Variants in CWC27 observed in about 807,000 individuals in gnomAD.
CWC27 encodes CWC27 spliceosome associated cyclophilin.
CWC27 carries 47 observed loss-of-function variants against 63.6 expected under a neutral mutation model. The observed-to-expected ratio is 0.74, with a 90% CI of 0.58 to 0.94. The LOEUF (loss-of-function observed/expected upper bound fraction) is 0.94. Among genes scored for constraint, CWC27 ranks in the 40% least tolerant of loss-of-function variants. The probability of loss-of-function intolerance (pLI) is 0.00; values close to 1 mark genes in which losing one functional copy is unlikely to be tolerated. For missense variants in CWC27, 495 were observed against 554.3 expected (o/e 0.89, Z 1.07); for synonymous variants, 175 against 179.8 (o/e 0.97, Z 0.22).
intron 11 of CWC27, among the ~76,000 whole-genome samples, chr5:64,901,751 A>G (rs1471727526): frequency 6.6e-6 from 1 of 152,220 alleles, no homozygotes; most frequent in East Asian, 1.9e-4. Flanking sequence ...AATCACACGT[A>G]GCTTAAAACA....
chr5:64,809,640 T>C (rs1744807993), intron 10 of CWC27, among the ~76,000 whole-genome samples: 1 of 152,254 alleles, frequency 6.6e-6, no homozygotes, highest in Admixed American at 6.5e-5. Flanking sequence ...GTGCTGGGAT[T>C]ATAGGCGTGA....
intron 11 of CWC27, among the ~76,000 whole-genome samples, chr5:64,937,583 G>A (rs1285471360): frequency 1.3e-5 from 2 of 152,198 alleles, no homozygotes; most frequent in African/African-American, 4.8e-5. Flanking sequence ...ATTTGGGGTG[G>A]AGGATTCTGT....
intron 13 of CWC27, among the ~76,000 whole-genome samples, chr5:65,007,011 AAAGAAAG>A (rs1374185599): frequency 7.1e-6 from 1 of 141,300 alleles, no homozygotes; most frequent in Admixed American, 7.0e-5. Flanking sequence ...AGAAAGAAAG[AAAGAAAG>A]AAAGAAAAGA....
chr5:64,847,288 A>T (rs1381482113), intron 10 of CWC27, among the ~76,000 whole-genome samples: 1 of 152,196 alleles, frequency 6.6e-6, no homozygotes, highest in Non-Finnish European at 1.5e-5. Flanking sequence ...ATAAAATGAG[A>T]CAAAGGACAT....
intron 11 of CWC27, among the ~76,000 whole-genome samples, chr5:64,940,842 CTTTTTTT>C (rs70983655): frequency 6.0e-3 from 393 of 64,998 alleles, no homozygotes; most frequent in African/African-American, 0.02. Context: ...TTCTTTCTTT[CTTTTTTT>C]TTTTTTTTTT....
Position 64,979,714 on chromosome 5 carries a change from G to T in CWC27, c.1256+2476G>T, listed in dbSNP as rs376968556. 2.0e-5 allele frequency among the ~76,000 whole-genome samples: 3 copies of T among 152,302 alleles called. No individual in the cohort carries two copies. In the East Asian group the frequency reaches 5.8e-4, roughly 29 times the overall value. On this transcript the variant is annotated intron_variant, in intron 13 of 13. Coordinates refer to ENST00000381070, the MANE Select transcript of CWC27 (RefSeq NM_005869.4). Reference sequence around the variant, plus strand: ...CTAAGAAGTGAAAGTCAGCCATTGTGCTGTACTACACTGTCAGGGTCTGTT... The same window carrying T: ...CTAAGAAGTGAAAGTCAGCCATTGTTCTGTACTACACTGTCAGGGTCTGTT...
At position 64,769,081 on chromosome 5, in the gene CWC27, C is replaced by G; in HGVS notation, c.-66C>G. On this transcript the variant is annotated 5_prime_UTR_variant, in exon 1 of 14. Transcript: ENST00000381070. ...AAGGAAGAGTGTACTCGTAGGCGGA[C>G]AGCTTTAGTGGCCGGCCGGCCGCTC... 1 of 1,361,518 alleles carries G rather than the reference C, an allele frequency of 7.3e-7. No homozygotes were observed. The highest frequency in any genetic ancestry group is 2.3e-5 in the East Asian group (1 of 43,456). The allele number at this position is 1,361,518 out of a possible 1,614,324, so 84.3% of individuals were successfully genotyped here. A position where few individuals can be genotyped will look rare whatever the true frequency, so the allele number is the denominator to read the frequency against.
At chr5:64,880,544 G>A (rs1243326712) in intron 10 of CWC27, among the ~76,000 whole-genome samples, 1 of 151,920 alleles carries the variant, frequency 6.6e-6, no homozygotes, top group East Asian at 1.9e-4. Context: ...CCAGTACCCA[G>A]AATGTTACCA....
At chr5:64,967,150 C>T (rs769431620) in intron 11 of CWC27, among the ~76,000 whole-genome samples, 5 of 152,078 alleles carry the variant, frequency 3.3e-5, no homozygotes, top group Non-Finnish European at 5.9e-5. Flanking sequence ...ATATTTGTTT[C>T]AAAACATTCC....
intron 11 of CWC27, among the ~76,000 whole-genome samples, chr5:64,904,568 A>G (rs1747583244): frequency 6.6e-6 from 1 of 152,246 alleles, no homozygotes; most frequent in South Asian, 2.1e-4. Context: ...TTCCTTTGGT[A>G]TGGTGGGGAG....
At chr5:64,892,272 A>G (rs1747256982) in intron 11 of CWC27, among the ~76,000 whole-genome samples, 1 of 152,152 alleles carries the variant, frequency 6.6e-6, no homozygotes, top group Admixed American at 6.5e-5. Context: ...TCCTCCTATT[A>G]CTAATATCTG....
chr5:64,911,771 G>A (rs1419188223), intron 11 of CWC27, among the ~76,000 whole-genome samples: 1 of 152,126 alleles, frequency 6.6e-6, no homozygotes, highest in Non-Finnish European at 1.5e-5. Context: ...AGTAGTAAAG[G>A]TTAACTGAAA....
intron 10 of CWC27, among the ~76,000 whole-genome samples, chr5:64,852,930 GTA>G (rs1746170981): frequency 6.6e-6 from 1 of 152,100 alleles, no homozygotes; most frequent in Non-Finnish European, 1.5e-5. Flanking sequence ...ACTTAGAATT[GTA>G]TGGGTCCCAT....
At chr5:64,863,367 A>C (rs1746456904) in intron 10 of CWC27, among the ~76,000 whole-genome samples, 1 of 151,932 alleles carries the variant, frequency 6.6e-6, no homozygotes, top group Non-Finnish European at 1.5e-5. Context: ...AAGACTAATA[A>C]AATACATTCA....
intron 11 of CWC27, among the ~76,000 whole-genome samples, chr5:64,910,895 C>G (rs900946153): frequency 1.3e-5 from 2 of 152,212 alleles, no homozygotes; most frequent in East Asian, 1.9e-4. Context: ...ATCCCCCTAC[C>G]CTTTGTGCTT....
intron 10 of CWC27, among the ~76,000 whole-genome samples, chr5:64,884,494 TC>T (rs1747018842): frequency 6.6e-6 from 1 of 152,164 alleles, no homozygotes; most frequent in African/African-American, 2.4e-5. Flanking sequence ...CACTAAAGGT[TC>T]AATCACATAT....
intron 13 of CWC27, among the ~76,000 whole-genome samples, chr5:65,007,498 G>T (rs1397267414): frequency 6.6e-6 from 1 of 152,164 alleles, no homozygotes; most frequent in Non-Finnish European, 1.5e-5. Flanking sequence ...GGAAGTCCAA[G>T]ATCAAGATGC....
intron 13 of CWC27, among the ~76,000 whole-genome samples, chr5:65,011,487 A>C (rs1294875043): frequency 6.6e-6 from 1 of 152,192 alleles, no homozygotes; most frequent in Non-Finnish European, 1.5e-5. Flanking sequence ...GCGAGGAAGA[A>C]GGAGAGTGCA....
At chr5:64,818,649 T>A (rs1251277938) in intron 10 of CWC27, among the ~76,000 whole-genome samples, 1 of 152,186 alleles carries the variant, frequency 6.6e-6, no homozygotes, top group Non-Finnish European at 1.5e-5. Flanking sequence ...GGGTGAAGTA[T>A]GTATGTACAT....
Sources: allele counts gnomAD v4.1 joint callset (sites outside exome capture counted in the v4.1 genomes callset), GRCh38; gene constraint gnomAD v4.1.1; transcripts MANE v1.5; gene names NCBI Gene and HGNC (gene_info 2026-07-23, HGNC 2026-07-21).